Variants in DAB1 observed in about 807,000 individuals in gnomAD.
DAB1 encodes DAB adaptor protein 1, also known as disabled homolog 1.
Under a neutral mutation model 64.6 loss-of-function variants are expected in DAB1, and 15 were observed. That is an observed-to-expected ratio of 0.23 (90% CI 0.16 to 0.36). DAB1 has a LOEUF of 0.36. DAB1 is among the 10% of genes least tolerant of loss of function. The pLI is 1.00. For synonymous variants in DAB1, 235 were observed against 251.9 expected (o/e 0.93, Z 0.64); for missense variants, 596 against 706.7 (o/e 0.84, Z 1.78).
At chr1:57,043,630 T>C (rs934494712) in intron 9 of DAB1, among the ~76,000 whole-genome samples, 21 of 152,138 alleles carry the variant, frequency 1.4e-4, no homozygotes, top group Non-Finnish European at 2.9e-4. Context: ...GCGGATCACC[T>C]GAGGTCAGGA....
At chr1:58,056,340 G>A (rs376018768) in intron 5 of DAB1, 482 of 1,578,278 alleles carry the variant, frequency 3.1e-4, no homozygotes, top group Non-Finnish European at 3.6e-4. Flanking sequence ...TGACTGCTGC[G>A]GCCTTCACTA....
chr1:57,885,237 C>G (rs1235162897), upstream of DAB1, among the ~76,000 whole-genome samples: 2 of 152,076 alleles, frequency 1.3e-5, no homozygotes, highest in African/African-American at 4.8e-5. Context: ...CCATTTATTC[C>G]TAACAGCAAA....
At chr1:58,133,993 T>C (rs1375814199) in intron 5 of DAB1, among the ~76,000 whole-genome samples, 1 of 152,206 alleles carries the variant, frequency 6.6e-6, no homozygotes. Flanking sequence ...CTTGGAGTTT[T>C]GATTATAGCT....
At chr1:58,545,264 G>A (rs1212973699) in intron 1 of DAB1, among the ~76,000 whole-genome samples, 1 of 152,160 alleles carries the variant, frequency 6.6e-6, no homozygotes, top group Non-Finnish European at 1.5e-5. Flanking sequence ...CATTTCTCAT[G>A]ACTTGTGTAA....
chr1:58,321,505 A>C (rs964280757), intron 4 of DAB1, among the ~76,000 whole-genome samples: 5 of 152,218 alleles, frequency 3.3e-5, no homozygotes, highest in African/African-American at 7.2e-5. Context: ...TCCTTTTCCT[A>C]GCCAAGGGAA....
chr1:58,303,965 C>CAGTT lies in DAB1; in HGVS notation n.309+39383_309+39386dup, dbSNP rs143704189. Among the ~76,000 whole-genome samples the CAGTT allele has an allele frequency of 2.2e-3, 341 of 152,140 alleles. 4 individuals carry two copies. Among genetic ancestry groups the CAGTT allele is most frequent in the Admixed American group, 5.1e-3 (78 of 15,278 alleles). On this transcript the variant is annotated intron_variant and non_coding_transcript_variant, in intron 4 of 20. Transcript: ENST00000485760. ...AGGGCCCAACTCAGCTGGGGATGAA[C>CAGTT]AGTTGCTTTGAATTAAGCACTGTTT...
At chr1:57,441,859 T>G (rs1685972378) in intron 7 of DAB1, among the ~76,000 whole-genome samples, 3 of 152,228 alleles carry the variant, frequency 2.0e-5, no homozygotes, top group Admixed American at 1.3e-4. Flanking sequence ...TTGAGAAATC[T>G]CCAACTGCTT....
intron 3 of DAB1, chr1:58,462,537 A>G: frequency 6.6e-6 from 1 of 152,210 alleles, no homozygotes; most frequent in East Asian, 1.9e-4. Context: ...AAATGGCACA[A>G]TACAGGTGAT....
chr1:57,171,905 T>C lies in DAB1; in HGVS notation c.68-26476A>G, dbSNP rs574763917. On this transcript the variant is annotated intron_variant, in intron 2 of 14. Transcript: ENST00000371236. The stretch of plus-strand genomic sequence containing the variant: ...CAGTAATAAGGAACCATGAATTGAG[T>C]GGCTTAAAACATCAGAAATGTATTG... 1.2e-4 allele frequency among the ~76,000 whole-genome samples: 19 copies of C among 152,254 alleles called. 1 individual carries two copies. In the South Asian group the frequency reaches 3.9e-3, roughly 32 times the overall value.
intron 3 of DAB1, among the ~76,000 whole-genome samples, chr1:58,391,108 T>A (rs1644472356): frequency 6.6e-6 from 1 of 152,184 alleles, no homozygotes; most frequent in African/African-American, 2.4e-5. Context: ...AGGGGCCTCA[T>A]TACACAGGTA....
chr1:58,076,995 CTG>C (rs1649692246), intron 5 of DAB1, among the ~76,000 whole-genome samples: 1 of 152,176 alleles, frequency 6.6e-6, no homozygotes. Context: ...TAACATCAGA[CTG>C]TGTCTTATTG....
chr1:57,407,675 C>A (rs1683754528), intron 1 of DAB1, among the ~76,000 whole-genome samples: 1 of 152,002 alleles, frequency 6.6e-6, no homozygotes, highest in African/African-American at 2.4e-5. Flanking sequence ...ATCAGCCAAG[C>A]CTTGATTTGA....
chr1:58,349,402 G>A (rs749780300), intron 3 of DAB1, among the ~76,000 whole-genome samples: 1 of 151,932 alleles, frequency 6.6e-6, no homozygotes, highest in Non-Finnish European at 1.5e-5. Flanking sequence ...CAAAAGAGAA[G>A]TTCTCTAGTT....
At chr1:58,018,697 C>T (rs554203260) in intron 5 of DAB1, among the ~76,000 whole-genome samples, 45 of 152,278 alleles carry the variant, frequency 3.0e-4, no homozygotes, top group African/African-American at 9.9e-4. Context: ...TTTCTGGAAT[C>T]GAAAGGTGTT....
At chr1:57,686,540 T>G (rs1324608113) in intron 6 of DAB1, among the ~76,000 whole-genome samples, 1 of 152,188 alleles carries the variant, frequency 6.6e-6, no homozygotes, top group African/African-American at 2.4e-5. Context: ...GGCTCCTCCC[T>G]AACTCATTCT....
chr1:57,876,837 T>C (rs1306106925), intron 1 of DAB1: 1 of 151,940 alleles, frequency 6.6e-6, no homozygotes, highest in East Asian at 1.9e-4. Flanking sequence ...TATCTCCAAA[T>C]TGCAGGTGAA....
intron 5 of DAB1, among the ~76,000 whole-genome samples, chr1:58,125,982 C>A (rs1161103298): frequency 6.6e-6 from 1 of 152,046 alleles, no homozygotes; most frequent in Non-Finnish European, 1.5e-5. Context: ...GCTGTTACCA[C>A]GGAGGAGCCA....
chr1:58,398,265 A>G (rs1488358664), intron 3 of DAB1, among the ~76,000 whole-genome samples: 1 of 152,184 alleles, frequency 6.6e-6, no homozygotes, highest in Non-Finnish European at 1.5e-5. Context: ...TCCTCAAAAC[A>G]CATCTGTGCA....
chr1:57,652,688 T>C (rs1295805986), intron 6 of DAB1, among the ~76,000 whole-genome samples: 1 of 152,348 alleles, frequency 6.6e-6, no homozygotes, highest in East Asian at 1.9e-4. Flanking sequence ...TTAATGTAGC[T>C]AAAGATTTGT....
Sources: allele counts gnomAD v4.1 joint callset (sites outside exome capture counted in the v4.1 genomes callset), GRCh38; gene constraint gnomAD v4.1.1; transcripts MANE v1.5; gene names NCBI Gene and HGNC (gene_info 2026-07-23, HGNC 2026-07-21).